Variants in SEMA5A observed in about 807,000 individuals in gnomAD.
SEMA5A encodes the protein semaphorin-5A.
SEMA5A carries 55 observed loss-of-function variants against 135.5 expected under a neutral mutation model. That is an observed-to-expected ratio of 0.41 (90% CI 0.33 to 0.51). The LOEUF (loss-of-function observed/expected upper bound fraction) is 0.51, where lower values mean the gene tolerates loss of function less well. Among genes scored for constraint, SEMA5A ranks in the 20% least tolerant of loss-of-function variants. SEMA5A has a pLI of 0.37. For missense variants in SEMA5A, 1,290 were observed against 1,419.9 expected (o/e 0.91, Z 1.47); for synonymous variants, 580 against 546.5 (o/e 1.06, Z -0.85).
At chr5:9,331,236 C>T (rs73050519) in intron 4 of SEMA5A, among the ~76,000 whole-genome samples, 2 of 151,854 alleles carry the variant, frequency 1.3e-5, no homozygotes, top group South Asian at 2.1e-4. Flanking sequence ...TTATAATCAC[C>T]GAAAAATAAT....
intron 1 of SEMA5A, chr5:9,516,848 G>A (rs989974280): frequency 6.6e-6 from 1 of 152,224 alleles, no homozygotes. Flanking sequence ...GAGGCATTTA[G>A]GAACCAGGGA....
intron 4 of SEMA5A, among the ~76,000 whole-genome samples, chr5:9,323,226 C>A (rs1294314105): frequency 6.6e-6 from 1 of 152,162 alleles, no homozygotes; most frequent in Non-Finnish European, 1.5e-5. Context: ...AAGACTGTGA[C>A]CATGTTTAGA....
At chr5:9,297,260 T>C (rs961774589) in intron 5 of SEMA5A, among the ~76,000 whole-genome samples, 4 of 152,012 alleles carry the variant, frequency 2.6e-5, no homozygotes, top group Non-Finnish European at 5.9e-5. Flanking sequence ...TCGACTCAAA[T>C]ATTTCACAAA....
chr5:9,143,446 T>G (rs1267174516), intron 12 of SEMA5A, among the ~76,000 whole-genome samples: 1 of 152,234 alleles, frequency 6.6e-6, no homozygotes, highest in African/African-American at 2.4e-5. Flanking sequence ...TTTTTACATT[T>G]CATTTTGCAC....
intron 1 of SEMA5A, among the ~76,000 whole-genome samples, chr5:9,441,896 G>A (rs1758250968): frequency 6.6e-6 from 1 of 152,178 alleles, no homozygotes; most frequent in Non-Finnish European, 1.5e-5. Flanking sequence ...AGAAAGAGAT[G>A]AGACTTCATC....
intron 1 of SEMA5A, among the ~76,000 whole-genome samples, chr5:9,490,336 T>G (rs147824986): frequency 6.6e-6 from 1 of 152,202 alleles, no homozygotes; most frequent in African/African-American, 2.4e-5. Context: ...ACACAACCTA[T>G]GGTTACATTG....
At position 9,533,121 on chromosome 5, in the gene SEMA5A, A is replaced by C. The variant is rs186889721; in HGVS notation, c.-175+12463T>G. On this transcript the variant is annotated intron_variant, in intron 1 of 22. Transcript: ENST00000382496. ...TTAGGTTGACAATTGAAAGATGTTG[A>C]ACACGCCAATTCGTCTGAGCCCATG... 2.6e-3 allele frequency among the ~76,000 whole-genome samples: 393 copies of C among 152,340 alleles called. 2 individuals are homozygous for C. The South Asian group carries it at 0.033, about 13-fold the overall frequency.
In SEMA5A at chr5:9,296,011, C is replaced by T. The variant is rs759777209; in HGVS notation, c.270+22361G>A. On this transcript the variant is annotated intron_variant, in intron 5 of 22. Coordinates refer to ENST00000382496, the MANE Select transcript of SEMA5A (RefSeq NM_003966.3). ...CCATATGCCAAATAACAGCCCCAAT[C>T]AGCCAGTGGAACAACCAGATAATTA... Among the ~76,000 whole-genome samples the T allele has an allele frequency of 4.6e-5, 7 of 152,096 alleles. 1 individual carries two copies. Among genetic ancestry groups the T allele is most frequent in the African/African-American group, 7.2e-5 (3 of 41,428 alleles).
intron 1 of SEMA5A, among the ~76,000 whole-genome samples, chr5:9,452,245 T>A (rs545026587): frequency 7.9e-5 from 12 of 152,302 alleles, no homozygotes; most frequent in Non-Finnish European, 1.6e-4. Context: ...TCAAAAGACA[T>A]CTTCATTCTA....
At chr5:9,044,910 G>A (rs137865289) in intron 21 of SEMA5A, among the ~76,000 whole-genome samples, 1,532 of 151,980 alleles carry the variant, frequency 0.01, 12 homozygotes, top group Middle Eastern at 0.051. Context: ...TCAGCCTCCC[G>A]AGTAGCTTGG....
rs538365573 is a variant in SEMA5A, at chr5:9,124,340, T to G, written c.1600-1503A>C. Among the ~76,000 whole-genome samples, 6 of 152,286 alleles carry G rather than the reference T, an allele frequency of 3.9e-5. No individual in the cohort carries two copies. The South Asian group carries it at 1.2e-3, about 32-fold the overall frequency. ...AGCAAATCTGCTCAGGAGGTGGCAG[T>G]GCTGCTGGAAGGAGAGACTCATGGG... On this transcript the variant is annotated intron_variant, in intron 13 of 22. Coordinates refer to ENST00000382496, the MANE Select transcript of SEMA5A (RefSeq NM_003966.3).
chr5:9,442,875 G>T (rs1477526313), intron 1 of SEMA5A, among the ~76,000 whole-genome samples: 1 of 152,090 alleles, frequency 6.6e-6, no homozygotes, highest in Admixed American at 6.5e-5. Flanking sequence ...TGAATTTAGG[G>T]CAATAAACTA....
intron 5 of SEMA5A, among the ~76,000 whole-genome samples, chr5:9,318,166 A>C (rs776916721): frequency 6.6e-6 from 1 of 152,192 alleles, no homozygotes; most frequent in Non-Finnish European, 1.5e-5. Flanking sequence ...GGGCCACCTG[A>C]CAGGAGGAAA....
In SEMA5A at chr5:9,036,552, T is replaced by C. The variant is rs2150008265; in HGVS notation, c.*6345A>G. On this transcript the variant is annotated 3_prime_UTR_variant, in exon 23 of 23. Coordinates refer to ENST00000382496, the MANE Select transcript of SEMA5A (RefSeq NM_003966.3). ...TCTTATTACAGAACAATCACTATGA[T>C]TTTTTTTGGAACATGTAAAAATTAA... is the stretch of plus-strand genomic sequence containing the variant. The C allele has an allele frequency of 6.6e-6, 1 of 151,254 alleles. No homozygotes were observed. Among genetic ancestry groups the C allele is most frequent in the East Asian group, 1.9e-4 (1 of 5,154 alleles). The allele number at this position is 151,254 out of a possible 1,614,324, so 9.4% of individuals were successfully genotyped here. A position where few individuals can be genotyped will look rare whatever the true frequency, so the allele number is the denominator to read the frequency against.
intron 1 of SEMA5A, among the ~76,000 whole-genome samples, chr5:9,481,037 C>T (rs1401822887): frequency 6.6e-6 from 1 of 152,014 alleles, no homozygotes; most frequent in Non-Finnish European, 1.5e-5. Flanking sequence ...CCTCTGCCAC[C>T]CAAGTTCAAG....
chr5:9,224,477 AAT>A (rs1329016531), intron 8 of SEMA5A, among the ~76,000 whole-genome samples, 195 bp downstream of exon 8: 1 of 152,164 alleles, frequency 6.6e-6, no homozygotes, highest in African/African-American at 2.4e-5. Flanking sequence ...GAGTGTTGCG[AAT>A]ATCACTTCTC....
At chr5:9,479,680 A>G (rs1423738362) in intron 1 of SEMA5A, among the ~76,000 whole-genome samples, 1 of 152,220 alleles carries the variant, frequency 6.6e-6, no homozygotes, top group African/African-American at 2.4e-5. Context: ...TTCTTCGGGT[A>G]TTAATTCTCC....
At chr5:9,156,206 A>T (rs756225136) in intron 11 of SEMA5A, among the ~76,000 whole-genome samples, 3 of 152,222 alleles carry the variant, frequency 2.0e-5, no homozygotes, top group Non-Finnish European at 4.4e-5. Context: ...GAAAAAATTT[A>T]TGTCTTAATT....
intron 11 of SEMA5A, among the ~76,000 whole-genome samples, chr5:9,177,260 C>T (rs560069799): frequency 6.6e-6 from 1 of 152,250 alleles, no homozygotes; most frequent in African/African-American, 2.4e-5. Context: ...TCTTTGGAAC[C>T]TGGTTACCCT....
Sources: allele counts gnomAD v4.1 joint callset (sites outside exome capture counted in the v4.1 genomes callset), GRCh38; gene constraint gnomAD v4.1.1; transcripts MANE v1.5; gene names NCBI Gene and HGNC (gene_info 2026-07-23, HGNC 2026-07-21).